Variants in TBC1D30 observed in about 807,000 individuals in gnomAD.
TBC1D30 encodes the protein TBC1 domain family, member 30.
In TBC1D30, 31 loss-of-function variants were observed where a neutral mutation model predicts 63.2. That is an observed-to-expected ratio of 0.49 (90% CI 0.37 to 0.66). The LOEUF (loss-of-function observed/expected upper bound fraction) is 0.66, where lower values mean the gene tolerates loss of function less well. TBC1D30 is among the 30% of genes least tolerant of loss of function. The pLI is 0.00. For missense variants in TBC1D30, 810 were observed against 953.6 expected, an observed-to-expected ratio of 0.85 and a Z score of 1.98; for synonymous variants, 307 against 361.5, an observed-to-expected ratio of 0.85 and a Z score of 1.71.
At chr12:64,853,809 C>T (rs557621005) in intron 8 of TBC1D30, among the ~76,000 whole-genome samples, 21 of 152,320 alleles carry the variant, frequency 1.4e-4, no homozygotes, top group African/African-American at 4.6e-4. Flanking sequence ...GCTTACCCTC[C>T]GTGGGCTGCA....
chr12:64,874,758 G>A (rs901326842), intron 11 of TBC1D30, among the ~76,000 whole-genome samples: 2 of 152,132 alleles, frequency 1.3e-5, no homozygotes, highest in African/African-American at 4.8e-5. Flanking sequence ...GGGGTCAGAT[G>A]TTCCTTTTTG....
At position 64,830,492 on chromosome 12, in the gene TBC1D30, A is replaced by T. The variant is rs758803261; in HGVS notation, c.398A>T (p.Gln133Leu). ...SNPDDDSMGI[Q>L]IVKDLHRTGC... is the part of the protein sequence containing the mutation. The stretch of plus-strand genomic sequence containing the variant: ...CCTGATGATGACTCCATGGGAATTC[A>T]GATAGTCAAGGTAATGCCCCTGAAC... Residue 133 changes from glutamine (Q) to leucine (L), a missense_variant, in exon 4 of 12, where the codon CAG becomes CTG. Gln to Leu is a moderately radical substitution (Grantham distance 113). Around this residue, in one of 4 missense-constraint regions of TBC1D30, gnomAD observed 272 missense variants for 335.9 expected, o/e 0.81. Transcript: ENST00000539867. The T allele has an allele frequency of 1.3e-5, 20 of 1,532,484 alleles. No homozygotes were observed. Among genetic ancestry groups the T allele is most frequent in the Non-Finnish European group, 1.7e-5 (20 of 1,144,542 alleles). The allele number at this position is 1,532,484 out of a possible 1,614,324, so 94.9% of individuals were successfully genotyped here. A position where few individuals can be genotyped will look rare whatever the true frequency, so the allele number is the denominator to read the frequency against.
chr12:64,767,796 G>T lies in TBC1D30; in HGVS notation c.-376+8147G>T, dbSNP rs532206448. ...AGATACACATGCTCCGGCGGGGGGG[G>T]GGGGAGGGGGGGGAGATAGGCTCTA... On this transcript the variant is annotated intron_variant, in intron 1 of 13. Coordinates refer to the TBC1D30 transcript ENST00000674237. Among the ~76,000 whole-genome samples, 1,055 of 111,938 alleles carry T rather than the reference G, an allele frequency of 9.4e-3. 9 individuals carry two copies. The highest frequency in any genetic ancestry group is 0.031 in the African/African-American group (976 of 31,908). 73.4% of individuals were successfully genotyped at this position (111,938 alleles called of 152,430 possible). A position where few individuals can be genotyped will look rare whatever the true frequency, so the allele number is the denominator to read the frequency against.
At position 64,824,827 on chromosome 12, in the gene TBC1D30, G is replaced by A. The variant is rs565080845; in HGVS notation, c.-53G>A. 5 of 1,519,088 alleles carry A rather than the reference G, an allele frequency of 3.3e-6. No individual in the cohort carries two copies. In the African/African-American group the frequency reaches 5.5e-5, roughly 17 times the overall value. 94.1% of individuals were successfully genotyped at this position (1,519,088 alleles called of 1,614,324 possible). ...CGAGCTCAGCCGCTCAGCGAGTGGG[G>A]TAGCGGGGACCGAGACGGACGGTAG... On this transcript the variant is annotated 5_prime_UTR_variant, in exon 1 of 12. Transcript: ENST00000539867.
chr12:64,776,612 A>G (rs1165795476), upstream of TBC1D30, among the ~76,000 whole-genome samples: 1 of 152,230 alleles, frequency 6.6e-6, no homozygotes, highest in African/African-American at 2.4e-5. Flanking sequence ...TGAGGCAGTA[A>G]TAAATAGCCT....
intron 2 of TBC1D30, among the ~76,000 whole-genome samples, chr12:64,788,208 T>C (rs966157314): frequency 2.0e-5 from 3 of 151,754 alleles, no homozygotes; most frequent in African/African-American, 7.3e-5. Context: ...TGTGTGTGTG[T>C]GTGTGTGTGT....
chr12:64,815,281 A>G (rs991619954), intron 2 of TBC1D30, among the ~76,000 whole-genome samples: 6 of 152,212 alleles, frequency 3.9e-5, no homozygotes, highest in Admixed American at 1.3e-4. Context: ...CCTGCTTAGT[A>G]TGACTTTTTG....
At chr12:64,850,378 C>G (rs1258494024) in intron 8 of TBC1D30, among the ~76,000 whole-genome samples, 1 of 152,002 alleles carries the variant, frequency 6.6e-6, no homozygotes, top group Admixed American at 6.6e-5. Context: ...CTGCTTCCAG[C>G]TTTTGCCCAT....
upstream of TBC1D30, among the ~76,000 whole-genome samples, chr12:64,819,831 GGA>G (rs1873783161): frequency 6.6e-6 from 1 of 152,172 alleles, no homozygotes; most frequent in African/African-American, 2.4e-5. Flanking sequence ...TGTGGGATGA[GGA>G]GAGAGGAGGA....
At chr12:64,845,281 G>C (rs1476360016) in intron 8 of TBC1D30, among the ~76,000 whole-genome samples, 2 of 152,142 alleles carry the variant, frequency 1.3e-5, no homozygotes, top group Non-Finnish European at 2.9e-5. Flanking sequence ...GCCAGCATTT[G>C]TTACTGCCTG....
At chr12:64,809,370 T>G (rs959598170) in intron 2 of TBC1D30, among the ~76,000 whole-genome samples, 3 of 152,182 alleles carry the variant, frequency 2.0e-5, no homozygotes, top group Non-Finnish European at 2.9e-5. Flanking sequence ...CATTACTGAG[T>G]TACTTCACTT....
intron 1 of TBC1D30, among the ~76,000 whole-genome samples, chr12:64,767,423 G>C (rs1870751540): frequency 6.6e-6 from 1 of 152,046 alleles, no homozygotes; most frequent in Admixed American, 6.6e-5. Flanking sequence ...GGCCATGCTG[G>C]ATTTGATACC....
chr12:64,864,102 T>TCTTGTCTTTTTTTTTTTC, intron 8 of TBC1D30, among the ~76,000 whole-genome samples: 1 of 152,218 alleles, frequency 6.6e-6, no homozygotes, highest in South Asian at 2.1e-4. Flanking sequence ...GTCACTTTTT[T>TCTTGTCTTTTTTTTTTTC]CTTGTCTTTT....
At chr12:64,834,046 G>A (rs11175568) in intron 5 of TBC1D30, among the ~76,000 whole-genome samples, 13 of 152,190 alleles carry the variant, frequency 8.5e-5, no homozygotes, top group East Asian at 3.9e-4. Flanking sequence ...AAAAACTCAC[G>A]TAAAAATATG....
intron 3 of TBC1D30, 28 bp from the exon 4 acceptor site, chr12:64,830,349 A>C (rs1874737362): frequency 6.7e-7 from 1 of 1,496,624 alleles, no homozygotes; most frequent in Non-Finnish European, 8.9e-7. Context: ...CTACTTTGGC[A>C]TTCTCCTTTG....
upstream of TBC1D30, among the ~76,000 whole-genome samples, chr12:64,777,623 G>A (rs1871121657): frequency 6.6e-6 from 1 of 152,122 alleles, no homozygotes; most frequent in East Asian, 1.9e-4. Flanking sequence ...CAAACAAATG[G>A]AAAAACATTC....
chr12:64,823,308 T>C (rs1874003808), upstream of TBC1D30, among the ~76,000 whole-genome samples: 1 of 152,232 alleles, frequency 6.6e-6, no homozygotes, highest in East Asian at 1.9e-4. Context: ...TGGGAATATG[T>C]ACAACTGTTG....
intron 3 of TBC1D30, among the ~76,000 whole-genome samples, chr12:64,829,843 A>T (rs1162242291): frequency 6.6e-6 from 1 of 152,222 alleles, no homozygotes; most frequent in African/African-American, 2.4e-5. Context: ...AAGATAATCA[A>T]AGGGTAAAAA....
rs537002278 is a variant in TBC1D30 at position 64,804,165 on chromosome 12, C to T, written c.643+18120C>T. On this transcript the variant is annotated intron_variant, in intron 2 of 12. Transcript: ENST00000542120. ...CATTTGTTTGTGTCCTCTTTTATTT[C>T]GTTGAGCAGTGGTTTATAGTTATCC... Among the ~76,000 whole-genome samples, 6 of 152,258 alleles carry T rather than the reference C, an allele frequency of 3.9e-5. No individual in the cohort carries two copies. The South Asian group carries it at 6.2e-4, about 16-fold the overall frequency.
Sources: allele counts gnomAD v4.1 joint callset (sites outside exome capture counted in the v4.1 genomes callset), GRCh38; gene constraint gnomAD v4.1.1; regional missense constraint gnomAD v4.1.1; transcripts MANE v1.5; gene names NCBI Gene and HGNC (gene_info 2026-07-23, HGNC 2026-07-21).